KAZN: variants seen among roughly 807,000 people sequenced by gnomAD.
KAZN encodes kazrin.
KAZN carries 40 observed loss-of-function variants against 87.4 expected under a neutral mutation model. That is an observed-to-expected ratio of 0.46 (90% CI 0.36 to 0.60). The LOEUF is 0.60. Ranked by LOEUF, KAZN falls within the 20% of genes least tolerant of loss-of-function variation. KAZN has a pLI of 0.00. For synonymous variants in KAZN, 466 were observed against 458.3 expected, an observed-to-expected ratio of 1.02 and a Z score of -0.22; for missense variants, 898 against 1,073.9, an observed-to-expected ratio of 0.84 and a Z score of 2.29.
At chr1:13,905,001 T>C (rs1399133807) in intron 1 of KAZN, among the ~76,000 whole-genome samples, 1 of 152,234 alleles carries the variant, frequency 6.6e-6, no homozygotes, top group Non-Finnish European at 1.5e-5. Flanking sequence ...ATTAATTTTC[T>C]TTCTAGCTGT....
At position 14,279,507 on chromosome 1, in the gene KAZN, C is replaced by G. The variant is rs16853867; in HGVS notation, c.249+98915C>G. ...TGAAAGGGACTTGAAATCTGTTAAGCAGACATCTCTTGTTAGTGCAGTACT... is the reference window on the plus strand; with the variant it reads ...TGAAAGGGACTTGAAATCTGTTAAGGAGACATCTCTTGTTAGTGCAGTACT... On this transcript the variant is annotated intron_variant, in intron 2 of 16. Coordinates refer to the KAZN transcript ENST00000636203. 7.9e-3 allele frequency among the ~76,000 whole-genome samples: 1,196 copies of G among 152,326 alleles called. 18 individuals carry two copies. Among genetic ancestry groups the G allele is most frequent in the African/African-American group, 0.027 (1,122 of 41,578 alleles).
intron 2 of KAZN, among the ~76,000 whole-genome samples, chr1:14,586,525 GTTTTTTTT>G (rs371736294): frequency 2.4e-5 from 3 of 125,230 alleles, no homozygotes; most frequent in African/African-American, 9.2e-5. Context: ...TTTCTTTCTG[GTTTTTTTT>G]TTTTTTTTTT....
intron 2 of KAZN, among the ~76,000 whole-genome samples, chr1:14,474,892 G>A (rs908701804): frequency 1.2e-4 from 18 of 152,134 alleles, no homozygotes; most frequent in Admixed American, 4.6e-4. Context: ...TGGAAAGAAT[G>A]GAAGAATGCA....
chr1:14,354,532 A>G lies in KAZN; in HGVS notation c.249+173940A>G, dbSNP rs145913505. ...CTAGCAGACAGTTCATAAAAGACGT[A>G]TAAATGATAAAGAAGAACATAATAA... is the stretch of plus-strand genomic sequence containing the variant. On this transcript the variant is annotated intron_variant, in intron 2 of 16. Transcript: ENST00000636203. 3.3e-3 allele frequency among the ~76,000 whole-genome samples: 506 copies of G among 152,340 alleles called. 2 individuals carry two copies. The highest frequency in any genetic ancestry group is 0.011 in the African/African-American group (477 of 41,582).
chr1:14,785,115 C>T (rs1363072021), intron 1 of KAZN, among the ~76,000 whole-genome samples: 1 of 151,846 alleles, frequency 6.6e-6, no homozygotes, highest in Non-Finnish European at 1.5e-5. Flanking sequence ...CATTTGGCTG[C>T]AAGTAACAGG....
At chr1:14,286,783 C>A (rs940592265) in intron 2 of KAZN, among the ~76,000 whole-genome samples, 3 of 152,066 alleles carry the variant, frequency 2.0e-5, no homozygotes, top group Non-Finnish European at 4.4e-5. Flanking sequence ...TGGTGGGGTG[C>A]TTAGAACTAT....
chr1:14,824,196 G>A (rs942504944), intron 1 of KAZN, among the ~76,000 whole-genome samples: 3 of 152,008 alleles, frequency 2.0e-5, no homozygotes, highest in Non-Finnish European at 4.4e-5. Context: ...GGGGTGCAGC[G>A]TGATGGGAGG....
intron 1 of KAZN, among the ~76,000 whole-genome samples, chr1:13,937,011 A>G (rs190884027): frequency 8.9e-4 from 135 of 150,888 alleles, no homozygotes; most frequent in African/African-American, 3.1e-3. Flanking sequence ...TCTTTTGAAA[A>G]ATGTCCATTC....
intron 2 of KAZN, among the ~76,000 whole-genome samples, chr1:14,540,283 G>C (rs1247554329): frequency 6.6e-6 from 1 of 152,138 alleles, no homozygotes; most frequent in Non-Finnish European, 1.5e-5. Flanking sequence ...CTTAAATGTT[G>C]AATACCCCTG....
At chr1:13,913,817 C>A (rs1351034315) in intron 1 of KAZN, among the ~76,000 whole-genome samples, 1 of 152,216 alleles carries the variant, frequency 6.6e-6, no homozygotes, top group Non-Finnish European at 1.5e-5. Context: ...ATTCTGATTA[C>A]TGGGTCTCAC....
At chr1:14,060,210 A>C (rs1557441627) in intron 1 of KAZN, among the ~76,000 whole-genome samples, 1 of 152,028 alleles carries the variant, frequency 6.6e-6, no homozygotes, top group Non-Finnish European at 1.5e-5. Flanking sequence ...AAAAATACAA[A>C]AAATTAGCTG....
intron 1 of KAZN, among the ~76,000 whole-genome samples, chr1:13,903,307 G>A (rs868214967): frequency 1.3e-5 from 2 of 152,200 alleles, no homozygotes; most frequent in Middle Eastern, 3.2e-3. Flanking sequence ...TGTTTTCTAA[G>A]TATGTAAGGA....
intron 2 of KAZN, among the ~76,000 whole-genome samples, chr1:14,257,817 T>G (rs1650640790): frequency 7.8e-6 from 1 of 127,772 alleles, no homozygotes; most frequent in Non-Finnish European, 1.6e-5. Context: ...GGGGGAGGGA[T>G]AGCATTGGGA....
intron 2 of KAZN, among the ~76,000 whole-genome samples, chr1:14,218,256 C>A (rs1647001863): frequency 6.6e-6 from 1 of 151,862 alleles, no homozygotes; most frequent in South Asian, 2.1e-4. Flanking sequence ...TAGAAAAGGT[C>A]AAGTAAAAAT....
chr1:14,181,995 A>G (rs1646208700), intron 2 of KAZN, among the ~76,000 whole-genome samples: 1 of 152,168 alleles, frequency 6.6e-6, no homozygotes, highest in African/African-American at 2.4e-5. Context: ...AGTGCCTAGA[A>G]CTGGATTTCA....
intron 1 of KAZN, among the ~76,000 whole-genome samples, chr1:14,133,137 G>C (rs1645026232): frequency 6.6e-6 from 1 of 152,104 alleles, no homozygotes; most frequent in South Asian, 2.1e-4. Context: ...GGGAGGCCAA[G>C]GTGGGCGGAT....
chr1:14,419,758 G>A (rs1323091792), intron 2 of KAZN, among the ~76,000 whole-genome samples: 1 of 151,966 alleles, frequency 6.6e-6, no homozygotes, highest in Non-Finnish European at 1.5e-5. Flanking sequence ...AAGGCGGTGC[G>A]TCTGGTGTTG....
At chr1:14,405,660 A>C (rs998854953) in intron 2 of KAZN, among the ~76,000 whole-genome samples, 4 of 150,300 alleles carry the variant, frequency 2.7e-5, no homozygotes, top group Admixed American at 2.7e-4. Context: ...ATACAGAGAG[A>C]GAGATTTATT....
chr1:14,326,571 C>A (rs2100855792), intron 2 of KAZN, among the ~76,000 whole-genome samples: 1 of 152,236 alleles, frequency 6.6e-6, no homozygotes, highest in East Asian at 1.9e-4. Context: ...CAATGGTTCC[C>A]CATCCTACTC....
Sources: gnomAD v4.1 joint callset for allele counts (sites outside exome capture counted in the v4.1 genomes callset) on GRCh38, gnomAD v4.1.1 for gene constraint, MANE v1.5 for transcripts, NCBI Gene and HGNC (gene_info 2026-07-23, HGNC 2026-07-21) for gene names.